RTTN: variants seen among roughly 807,000 people sequenced by gnomAD.
RTTN encodes the protein rotatin.
In RTTN, 182 loss-of-function variants were observed where a neutral mutation model predicts 269.2. The observed-to-expected ratio is 0.68, with a 90% CI of 0.60 to 0.76. The LOEUF (loss-of-function observed/expected upper bound fraction) is 0.76, where lower values mean the gene tolerates loss of function less well. RTTN is among the 30% of genes least tolerant of loss of function. The pLI, the probability that RTTN is intolerant of heterozygous loss-of-function variation, is 0.00. For synonymous variants in RTTN, 1,006 were observed against 963.5 expected (o/e 1.04, Z -0.82); for missense variants, 2,545 against 2,608.6 (o/e 0.98, Z 0.53).
At chr18:70,169,881 A>G (rs754185868) in intron 11 of RTTN, among the ~76,000 whole-genome samples, 12 of 152,214 alleles carry the variant, frequency 7.9e-5, no homozygotes, top group African/African-American at 4.8e-5. Context: ...TGTCTTTACA[A>G]AAGTGGGTTT....
chr18:70,117,526 TAGA>T (rs2059631166), intron 26 of RTTN, among the ~76,000 whole-genome samples: 1 of 152,008 alleles, frequency 6.6e-6, no homozygotes, highest in Admixed American at 6.6e-5. Flanking sequence ...TGAGATAAAG[TAGA>T]AGCTTTCCGA....
chr18:70,038,839 A>G (rs1189862857), intron 40 of RTTN, among the ~76,000 whole-genome samples: 1 of 152,192 alleles, frequency 6.6e-6, no homozygotes, highest in Non-Finnish European at 1.5e-5. Flanking sequence ...AAAATAAGAG[A>G]AGGAATTCAG....
intron 11 of RTTN, among the ~76,000 whole-genome samples, chr18:70,170,263 C>G (rs1599885050): frequency 6.6e-6 from 1 of 152,162 alleles, no homozygotes; most frequent in African/African-American, 2.4e-5. Context: ...TCCTGGGAAC[C>G]CAGCAGAGAG....
rs1489724547 is a variant in RTTN at position 70,030,998 on chromosome 18, T to C, written c.5542-17A>G. On this transcript the variant is annotated splice_polypyrimidine_tract_variant and intron_variant, in intron 40 of 48. Transcript: ENST00000640769. ...TTCATAGCACTGCAGAGAATATAAA[T>C]CAAACTGCCTTGAAGAAATATTTAA... The C allele has an allele frequency of 6.5e-7, 1 of 1,549,480 alleles. No individual in the cohort carries two copies. The highest frequency in any genetic ancestry group is 2.3e-5 in the East Asian group (1 of 44,436).
chr18:70,150,681 C>A lies in RTTN; in HGVS notation c.1982G>T (p.Gly661Val), dbSNP rs778494442. 3 of 1,610,860 alleles carry A rather than the reference C, an allele frequency of 1.9e-6. No individual in the cohort carries two copies. The highest frequency in any genetic ancestry group is 2.5e-6 in the Non-Finnish European group (3 of 1,177,418). ...VTKPVSSLCN[G>V]IHFLLHPKVL... The stretch of plus-strand genomic sequence containing the variant: ...TTTTGGATGAAGTAGAAAATGAATT[C>A]CATTGCAAAGTGAAGACACGGGTTT... The change falls in exon 15 of 49, where the codon GGA becomes GTA. Residue 661 changes from glycine to valine, a missense_variant. By Grantham distance (109) the Gly-to-Val change is moderately radical. Coordinates refer to ENST00000640769, the MANE Select transcript of RTTN (RefSeq NM_173630.4).
chr18:70,004,977 A>G lies in RTTN; in HGVS notation c.6595+221T>C, dbSNP rs150138947. On this transcript the variant is annotated intron_variant, in intron 48 of 48. Coordinates refer to ENST00000640769, the MANE Select transcript of RTTN (RefSeq NM_173630.4). Reference sequence around the variant, plus strand: ...TTGGCAAAGAAAATTTAGTACAAAAATAAGACGAAGATCACAGATGCATTT... The same window carrying G: ...TTGGCAAAGAAAATTTAGTACAAAAGTAAGACGAAGATCACAGATGCATTT... 0.011 allele frequency among the ~76,000 whole-genome samples: 1,620 copies of G among 152,368 alleles called. 20 individuals are homozygous for G. The highest frequency in any genetic ancestry group is 0.044 in the South Asian group (213 of 4,818).
intron 46 of RTTN, 53 bp downstream of exon 46, chr18:70,017,354 G>C: frequency 6.6e-7 from 1 of 1,506,890 alleles, no homozygotes; most frequent in Admixed American, 1.8e-5. Context: ...GTGTTGACCT[G>C]AACAGTCTAT....
intron 25 of RTTN, 97 bp downstream of exon 25, chr18:70,127,405 A>G: frequency 7.5e-7 from 1 of 1,335,836 alleles, no homozygotes; most frequent in Non-Finnish European, 1.0e-6. Flanking sequence ...TGATAGCAGC[A>G]GTAAGGGCAT....
At chr18:70,076,068 T>C (rs1208351286) in intron 32 of RTTN, among the ~76,000 whole-genome samples, 2 of 151,984 alleles carry the variant, frequency 1.3e-5, no homozygotes, top group East Asian at 3.9e-4. Context: ...AACACACACA[T>C]GTATACATAC....
intron 17 of RTTN, 57 bp from the exon 18 acceptor site, chr18:70,145,840 A>C (rs2060376708): frequency 1.5e-6 from 2 of 1,344,626 alleles, no homozygotes; most frequent in East Asian, 2.4e-5. Context: ...TCTATTTTAA[A>C]AGGGCTTGTA....
At chr18:70,198,304 T>C (rs1396696098) in intron 5 of RTTN, among the ~76,000 whole-genome samples, 3 of 152,162 alleles carry the variant, frequency 2.0e-5, no homozygotes, top group African/African-American at 7.2e-5. Flanking sequence ...CCCAGTTCCA[T>C]TATACTATCC....
intron 28 of RTTN, among the ~76,000 whole-genome samples, chr18:70,103,932 A>G (rs2059250733): frequency 6.6e-6 from 1 of 152,054 alleles, no homozygotes; most frequent in African/African-American, 2.4e-5. Context: ...TTTTTCTGTC[A>G]TTTCAACTTT....
rs2061717436 is a variant in RTTN at position 70,193,093 on chromosome 18, T to C, written c.1007+195A>G. Reference sequence around the variant, plus strand: ...CTGAGCACTGAGTTGCGATGTAATATTTATCTGTCCTTACCGTGGATCATG... The same window carrying C: ...CTGAGCACTGAGTTGCGATGTAATACTTATCTGTCCTTACCGTGGATCATG... On this transcript the variant is annotated intron_variant, in intron 8 of 48. Transcript: ENST00000640769. The C allele has an allele frequency of 1.1e-5, 6 of 528,792 alleles. No individual in the cohort carries two copies. The East Asian group carries it at 2.0e-4, about 17-fold the overall frequency. 32.8% of individuals were successfully genotyped at this position (528,792 alleles called of 1,614,324 possible). A position where few individuals can be genotyped will look rare whatever the true frequency, so the allele number is the denominator to read the frequency against.
chr18:70,199,823 C>T (rs2061904715), intron 4 of RTTN, among the ~76,000 whole-genome samples: 2 of 152,194 alleles, frequency 1.3e-5, no homozygotes, highest in African/African-American at 2.4e-5. Context: ...CTGACCAGAA[C>T]ATCAAACTTA....
chr18:70,196,510 T>C lies in RTTN; in HGVS notation c.832A>G (p.Asn278Asp), dbSNP rs770426475. The change falls in exon 7 of 49, where the codon AAT becomes GAT. Residue 278 changes from asparagine (N) to aspartate (D), a missense_variant. Transcript: ENST00000640769. ...AGATAAAAATAAATACCGTGTTTATTGGAGAAAAAACCTGGATCTCGGTGA... is the reference window on the plus strand; with the variant it reads ...AGATAAAAATAAATACCGTGTTTATCGGAGAAAAAACCTGGATCTCGGTGA... The part of the protein sequence containing the change: ...NFHRDPGFFS[N>D]KHDTVSQNSS... 5 of 1,609,710 alleles carry C rather than the reference T, an allele frequency of 3.1e-6. No homozygotes were observed. The highest frequency in any genetic ancestry group is 3.4e-6 in the Non-Finnish European group (4 of 1,178,920).
At chr18:70,106,490 T>C (rs1243822535) in intron 28 of RTTN, among the ~76,000 whole-genome samples, 1 of 152,202 alleles carries the variant, frequency 6.6e-6, no homozygotes, top group Admixed American at 6.5e-5. Flanking sequence ...GTTTACTAAA[T>C]GAAGGTAAAT....
Position 70,149,011 on chromosome 18 carries a change from C to T in RTTN, c.2199G>A (p.Leu733=), listed in dbSNP as rs1369137100. The T allele has an allele frequency of 7.4e-6, 12 of 1,613,272 alleles. No homozygotes were observed. In the Admixed American group the frequency reaches 1.8e-4, roughly 25 times the overall value. ...TGCTTAGAAGGAGAATGCAGTTACC[C>T]AGAGGATCTTCTGTGTCGGCATAGC... ...LQGYADTEDP[L]GNCILLLSKA... The change falls in exon 17 of 49, where the codon CTG becomes CTA. Residue 733 remains leucine (L), a synonymous_variant. Transcript: ENST00000640769.
chr18:70,064,150 C>T (rs112452999), intron 35 of RTTN, among the ~76,000 whole-genome samples: 118 of 151,398 alleles, frequency 7.8e-4, no homozygotes, highest in African/African-American at 2.5e-3. Context: ...CCAGCCTGGG[C>T]AACATGATGA....
chr18:70,183,400 G>A (rs2061462622), intron 10 of RTTN, among the ~76,000 whole-genome samples: 1 of 152,110 alleles, frequency 6.6e-6, no homozygotes, highest in Non-Finnish European at 1.5e-5. Context: ...GGCCAAAGAT[G>A]ATTACTGAGA....
Sources: allele counts gnomAD v4.1 joint callset (sites outside exome capture counted in the v4.1 genomes callset), GRCh38; gene constraint gnomAD v4.1.1; transcripts MANE v1.5; gene names NCBI Gene and HGNC (gene_info 2026-07-23, HGNC 2026-07-21).